The following CHN2 variants were observed in gnomAD, a reference collection of about 807,000 sequenced individuals.
CHN2 encodes the protein beta-chimaerin.
In CHN2, 35 loss-of-function variants were observed where a neutral mutation model predicts 56.3. The ratio of observed to expected loss-of-function variants is 0.62; its 90% CI spans 0.47 to 0.82. The LOEUF (loss-of-function observed/expected upper bound fraction) is 0.82. Ranked by LOEUF, CHN2 falls within the 40% of genes least tolerant of loss-of-function variation. The pLI is 0.00. For synonymous variants in CHN2, 210 were observed against 212.8 expected (o/e 0.99, Z 0.12); for missense variants, 491 against 580.5 (o/e 0.85, Z 1.58).
chr7:29,356,924 G>T (rs1308125749), intron 2 of CHN2, among the ~76,000 whole-genome samples: 1 of 152,202 alleles, frequency 6.6e-6, no homozygotes, highest in South Asian at 2.1e-4. Flanking sequence ...ACTGGCTCGC[G>T]CATGGCCTTG....
chr7:29,263,619 G>A (rs1339546763), intron 1 of CHN2, among the ~76,000 whole-genome samples: 2 of 151,740 alleles, frequency 1.3e-5, no homozygotes, highest in African/African-American at 4.8e-5. Context: ...TCTGGGATGT[G>A]AGGAGCCCCT....
intron 6 of CHN2, among the ~76,000 whole-genome samples, chr7:29,441,300 GA>G (rs1783628923): frequency 6.6e-6 from 1 of 152,144 alleles, no homozygotes. Context: ...CCATCTACAT[GA>G]ACTAACTCAA....
chr7:29,190,458 A>G (rs931269057), upstream of CHN2, among the ~76,000 whole-genome samples: 6 of 152,232 alleles, frequency 3.9e-5, no homozygotes, highest in Admixed American at 2.0e-4. Flanking sequence ...CTGCTATGAC[A>G]GCCACGTTCA....
intron 6 of CHN2, among the ~76,000 whole-genome samples, chr7:29,473,464 GTT>G: frequency 2.5e-5 from 2 of 80,206 alleles, no homozygotes; most frequent in Non-Finnish European, 4.6e-5. Context: ...GTGTGTGTGT[GTT>G]TGTGTTTTTT....
chr7:29,482,464 G>A (rs1282264880), intron 7 of CHN2, among the ~76,000 whole-genome samples: 1 of 152,112 alleles, frequency 6.6e-6, no homozygotes, highest in Non-Finnish European at 1.5e-5. Context: ...CATGGTTTTT[G>A]GAAGAACATT....
chr7:29,367,843 T>C, intron 2 of CHN2, 89 bp from the exon 3 acceptor site: 1 of 1,061,822 alleles, frequency 9.4e-7, no homozygotes, highest in Non-Finnish European at 1.3e-6. Flanking sequence ...TGAGATGTAC[T>C]TAGGTGGAAA....
intron 10 of CHN2, 42 bp downstream of exon 10, chr7:29,504,863 C>A: frequency 2.2e-6 from 3 of 1,364,820 alleles, no homozygotes; most frequent in Non-Finnish European, 2.1e-6. Flanking sequence ...CATCCTAACA[C>A]CCTTCTCGAT....
intron 1 of CHN2, among the ~76,000 whole-genome samples, chr7:29,319,452 T>C (rs1795186163): frequency 6.6e-6 from 1 of 152,162 alleles, no homozygotes; most frequent in African/African-American, 2.4e-5. Context: ...ATTTTTATAC[T>C]AGCACCAAAG....
At chr7:29,373,614 A>G (rs1799793032) in intron 3 of CHN2, among the ~76,000 whole-genome samples, 1 of 152,214 alleles carries the variant, frequency 6.6e-6, no homozygotes, top group African/African-American at 2.4e-5. Flanking sequence ...TGTTCTAAAT[A>G]TCTACTGATT....
At chr7:29,488,507 T>C (rs1017886435) in intron 7 of CHN2, among the ~76,000 whole-genome samples, 4 of 152,162 alleles carry the variant, frequency 2.6e-5, no homozygotes, top group Admixed American at 2.0e-4. Context: ...AGCTCTCTCT[T>C]CTGTGAACAT....
intron 6 of CHN2, among the ~76,000 whole-genome samples, chr7:29,422,027 T>C (rs981116801): frequency 2.8e-5 from 3 of 106,570 alleles, no homozygotes; most frequent in Non-Finnish European, 3.9e-5. Context: ...GGACATAAAA[T>C]TCCCTGCTAT....
intron 12 of CHN2, among the ~76,000 whole-genome samples, chr7:29,510,405 C>G (rs552656544): frequency 6.6e-6 from 1 of 152,244 alleles, no homozygotes. Flanking sequence ...CACCACTGTA[C>G]TCCATCCTGG....
intron 1 of CHN2, among the ~76,000 whole-genome samples, chr7:29,294,556 A>G (rs1005075906): frequency 1.1e-4 from 16 of 152,174 alleles, no homozygotes; most frequent in Non-Finnish European, 1.9e-4. Flanking sequence ...GCGTTGAAAG[A>G]CAAGGACAGA....
At chr7:29,253,737 TA>T (rs1232238808) in intron 1 of CHN2, among the ~76,000 whole-genome samples, 1 of 152,224 alleles carries the variant, frequency 6.6e-6, no homozygotes, top group East Asian at 1.9e-4. Context: ...TATCCCTTAC[TA>T]GGTATAAAAT....
chr7:29,317,494 C>T (rs778359155), intron 1 of CHN2, among the ~76,000 whole-genome samples: 11 of 152,156 alleles, frequency 7.2e-5, no homozygotes, highest in Non-Finnish European at 1.2e-4. Context: ...GATTTCAGGC[C>T]CTGCCCAGAC....
chr7:29,327,292 A>G, intron 1 of CHN2, among the ~76,000 whole-genome samples: 1 of 152,206 alleles, frequency 6.6e-6, no homozygotes, highest in East Asian at 1.9e-4. Context: ...CTCAGGCCCC[A>G]TCCCAGACTG....
chr7:29,242,642 C>T (rs953528505), intron 1 of CHN2, among the ~76,000 whole-genome samples: 2 of 149,466 alleles, frequency 1.3e-5, no homozygotes, highest in Admixed American at 6.7e-5. Context: ...CTCTTTGATG[C>T]TTATTTACAT....
intron 1 of CHN2, among the ~76,000 whole-genome samples, chr7:29,205,422 C>T (rs141401480): frequency 1.4e-4 from 21 of 152,168 alleles, no homozygotes; most frequent in Non-Finnish European, 2.5e-4. Flanking sequence ...TTTTCTTATC[C>T]GTAAAATGGG....
chr7:29,504,085 G>A (rs1014093997), intron 9 of CHN2, among the ~76,000 whole-genome samples: 4 of 152,050 alleles, frequency 2.6e-5, no homozygotes, highest in Admixed American at 6.5e-5. Flanking sequence ...ACAAGTAACC[G>A]TTTTTAATTA....
Sources: allele counts gnomAD v4.1 joint callset (sites outside exome capture counted in the v4.1 genomes callset), GRCh38; gene constraint gnomAD v4.1.1; transcripts MANE v1.5; gene names NCBI Gene and HGNC (gene_info 2026-07-23, HGNC 2026-07-21).